The following RCAN2 variants were observed in gnomAD, a reference collection of about 807,000 sequenced individuals.
RCAN2 encodes the protein regulator of calcineurin 2.
Under a neutral mutation model 23.6 loss-of-function variants are expected in RCAN2, and 9 were observed. That is an observed-to-expected ratio of 0.38 (90% CI 0.23 to 0.67). The LOEUF is 0.67. Among genes scored for constraint, RCAN2 ranks in the 30% least tolerant of loss-of-function variants. The pLI is 0.51. For missense variants in RCAN2, 273 were observed against 302.3 expected, an observed-to-expected ratio of 0.90 and a Z score of 0.72; for synonymous variants, 109 against 115.7, an observed-to-expected ratio of 0.94 and a Z score of 0.37.
intron 2 of RCAN2, among the ~76,000 whole-genome samples, chr6:46,333,781 C>T (rs1450772508): frequency 1.3e-5 from 2 of 152,226 alleles, no homozygotes; most frequent in African/African-American, 2.4e-5. Context: ...GTGAACTCAG[C>T]CAGCATTGTC....
intron 2 of RCAN2, among the ~76,000 whole-genome samples, chr6:46,252,755 C>G (rs1405731947): frequency 1.3e-5 from 2 of 152,072 alleles, no homozygotes; most frequent in Non-Finnish European, 2.9e-5. Flanking sequence ...TAGAAGACAC[C>G]TGGATCTCAT....
chr6:46,410,439 A>G (rs1407813669), intron 2 of RCAN2, among the ~76,000 whole-genome samples: 2 of 152,202 alleles, frequency 1.3e-5, no homozygotes, highest in Non-Finnish European at 2.9e-5. Context: ...TTTGAAGTAG[A>G]TTAGGACATG....
intron 2 of RCAN2, among the ~76,000 whole-genome samples, chr6:46,353,702 TA>T (rs1764737610): frequency 1.3e-5 from 2 of 152,136 alleles, no homozygotes; most frequent in African/African-American, 4.8e-5. Flanking sequence ...CAACTCTTTT[TA>T]AAGAGGAAAA....
chr6:46,365,118 G>C (rs574541566), intron 2 of RCAN2, among the ~76,000 whole-genome samples: 1 of 152,112 alleles, frequency 6.6e-6, no homozygotes, highest in Non-Finnish European at 1.5e-5. Context: ...ATAATATAAA[G>C]TACATGATAA....
chr6:46,355,640 G>A (rs557516750), intron 2 of RCAN2, among the ~76,000 whole-genome samples: 28 of 152,236 alleles, frequency 1.8e-4, no homozygotes, highest in Middle Eastern at 3.4e-3. Context: ...GTCACAAAGT[G>A]GCCAGTCTTT....
intron 2 of RCAN2, among the ~76,000 whole-genome samples, chr6:46,292,163 G>A (rs1343143442): frequency 6.6e-6 from 1 of 152,170 alleles, no homozygotes; most frequent in Non-Finnish European, 1.5e-5. Flanking sequence ...AACAGAGAGA[G>A]GATACAATGA....
chr6:46,223,390 AT>A, intron 4 of RCAN2, 89 bp from the exon 5 acceptor site: 1 of 1,244,970 alleles, frequency 8.0e-7, no homozygotes, highest in Non-Finnish European at 1.1e-6. Flanking sequence ...TGACAGGAGC[AT>A]TTTCCAGGGT....
At chr6:46,313,663 A>G (rs1763335833) in intron 2 of RCAN2, among the ~76,000 whole-genome samples, 1 of 152,206 alleles carries the variant, frequency 6.6e-6, no homozygotes, top group African/African-American at 2.4e-5. Flanking sequence ...AACGTGAAGT[A>G]AAAATGTGCA....
At chr6:46,488,862 A>C (rs1332403705) in intron 1 of RCAN2, among the ~76,000 whole-genome samples, 2 of 152,182 alleles carry the variant, frequency 1.3e-5, no homozygotes, top group Non-Finnish European at 2.9e-5. Context: ...GGCACATTTC[A>C]TAAGTTTTCT....
chr6:46,336,155 C>G (rs774640012), intron 2 of RCAN2, among the ~76,000 whole-genome samples: 10 of 152,240 alleles, frequency 6.6e-5, no homozygotes, highest in Non-Finnish European at 1.2e-4. Flanking sequence ...TGGAAAGCAG[C>G]AAAAGTAGGA....
intron 4 of RCAN2, among the ~76,000 whole-genome samples, chr6:46,241,988 G>A (rs951751721): frequency 6.6e-6 from 1 of 152,088 alleles, no homozygotes. Flanking sequence ...TGGTCATGGG[G>A]ACAATGATTA....
intron 2 of RCAN2, among the ~76,000 whole-genome samples, chr6:46,347,098 A>G (rs1764509422): frequency 6.6e-6 from 1 of 152,166 alleles, no homozygotes. Context: ...GATAGTCTCA[A>G]TCACCTGACC....
intron 1 of RCAN2, among the ~76,000 whole-genome samples, chr6:46,463,613 G>A (rs993831150): frequency 6.6e-6 from 1 of 152,152 alleles, no homozygotes; most frequent in Non-Finnish European, 1.5e-5. Flanking sequence ...TAAGAAAAGA[G>A]ACATCTGTTT....
intron 1 of RCAN2, among the ~76,000 whole-genome samples, chr6:46,467,692 G>A (rs891342189): frequency 1.3e-5 from 2 of 152,216 alleles, no homozygotes; most frequent in Admixed American, 6.5e-5. Context: ...TATGCAATGT[G>A]GGAACCACAG....
Position 46,354,205 on chromosome 6 carries a change from C to CTGTGTGTGTG in RCAN2, c.225+102537_225+102546dup, listed in dbSNP as rs56237510. ...TACATGTGTATGGTGTGTTATTTTA[C>CTGTGTGTGTG]TGTGTGTGTGTGTGTGTGTGTGTGT... On this transcript the variant is annotated intron_variant, in intron 2 of 4. Transcript: ENST00000371374. Among the ~76,000 whole-genome samples the CTGTGTGTGTG allele has an allele frequency of 6.8e-4, 90 of 133,068 alleles. 1 individual carries two copies. Among genetic ancestry groups the CTGTGTGTGTG allele is most frequent in the African/African-American group, 2.2e-3 (76 of 34,616 alleles). 87.3% of individuals were successfully genotyped at this position (133,068 alleles called of 152,430 possible).
intron 2 of RCAN2, among the ~76,000 whole-genome samples, chr6:46,323,403 A>G (rs756264058): frequency 1.2e-3 from 176 of 152,156 alleles, no homozygotes; most frequent in Middle Eastern, 3.4e-3. Context: ...AAAAAAAGAA[A>G]AGAAAAAAGC....
At chr6:46,393,959 CAG>C (rs1766010971) in intron 2 of RCAN2, among the ~76,000 whole-genome samples, 1 of 152,088 alleles carries the variant, frequency 6.6e-6, no homozygotes, top group Admixed American at 6.5e-5. Context: ...GTTTCTTTAC[CAG>C]GTAATAGATT....
chr6:46,428,659 C>T (rs1034594369), intron 2 of RCAN2, among the ~76,000 whole-genome samples: 2 of 152,214 alleles, frequency 1.3e-5, no homozygotes, highest in Non-Finnish European at 2.9e-5. Flanking sequence ...CACTATATCT[C>T]TGTCTTTCCA....
At chr6:46,228,187 A>C (rs1765745477) in intron 4 of RCAN2, among the ~76,000 whole-genome samples, 1 of 152,230 alleles carries the variant, frequency 6.6e-6, no homozygotes, top group Non-Finnish European at 1.5e-5. Flanking sequence ...GGAGTGCCTT[A>C]CTTCCAACTA....
Sources: gnomAD v4.1 joint callset for allele counts (sites outside exome capture counted in the v4.1 genomes callset) on GRCh38, gnomAD v4.1.1 for gene constraint, MANE v1.5 for transcripts, NCBI Gene and HGNC (gene_info 2026-07-23, HGNC 2026-07-21) for gene names.